COL6A5: variants seen among roughly 807,000 people sequenced by gnomAD.
The protein encoded by COL6A5 is collagen alpha-5(VI) chain.
Under a neutral mutation model 65.6 loss-of-function variants are expected in COL6A5, and 48 were observed. The observed-to-expected ratio is 0.73, with a 90% CI of 0.58 to 0.93. COL6A5 has a LOEUF of 0.93. Among genes scored for constraint, COL6A5 ranks in the 40% least tolerant of loss-of-function variants. COL6A5 has a pLI of 0.00. For synonymous variants in COL6A5, 291 were observed against 322.8 expected (o/e 0.90, Z 1.05); for missense variants, 914 against 928.3 (o/e 0.98, Z 0.20).
chr3:130,478,494 AG>A (rs1191128600), intron 7 of COL6A5, among the ~76,000 whole-genome samples: 1 of 152,092 alleles, frequency 6.6e-6, no homozygotes, highest in Non-Finnish European at 1.5e-5. Flanking sequence ...TTCAAAAGCT[AG>A]TCTTAAAAGG....
intron 7 of COL6A5, among the ~76,000 whole-genome samples, chr3:130,472,258 G>C (rs1250923320): frequency 6.6e-6 from 1 of 152,062 alleles, no homozygotes; most frequent in Non-Finnish European, 1.5e-5. Flanking sequence ...AAGGGGAACT[G>C]TGCAAGGAGC....
chr3:130,443,782 T>A (rs1387570292), intron 4 of COL6A5, among the ~76,000 whole-genome samples: 2 of 152,298 alleles, frequency 1.3e-5, no homozygotes, highest in Middle Eastern at 3.4e-3. Flanking sequence ...GCCTTTAAAT[T>A]CATGGTTTCT....
chr3:130,375,133 T>C (rs1935717063), intron 2 of COL6A5, among the ~76,000 whole-genome samples: 1 of 152,118 alleles, frequency 6.6e-6, no homozygotes, highest in African/African-American at 2.4e-5. Flanking sequence ...TACCAGACTC[T>C]TCTTATCTGG....
At chr3:130,398,430 G>T (rs576618791) in intron 10 of COL6A5, among the ~76,000 whole-genome samples, 1 of 152,184 alleles carries the variant, frequency 6.6e-6, no homozygotes, top group East Asian at 1.9e-4. Context: ...GCGCCCAGCC[G>T]AGTTGAAAAT....
intron 1 of COL6A5, among the ~76,000 whole-genome samples, chr3:130,355,366 A>C (rs1055454078): frequency 6.6e-6 from 1 of 152,174 alleles, no homozygotes; most frequent in Non-Finnish European, 1.5e-5. Flanking sequence ...TTGCCCCTAT[A>C]AAACACAAAC....
chr3:130,471,559 A>G (rs1709952863), intron 7 of COL6A5, 123 bp from the exon 40 acceptor site: 3 of 893,958 alleles, frequency 3.4e-6, no homozygotes, highest in Non-Finnish European at 4.9e-6. Flanking sequence ...CATGGACTGA[A>G]CTTGGACTAT....
chr3:130,426,524 A>AGCTTG, upstream of COL6A5: 5 of 1,006,830 alleles, frequency 5.0e-6, no homozygotes, highest in Non-Finnish European at 7.7e-6. Context: ...CTCTGTAACA[A>AGCTTG]GCTTGTCTGG....
At chr3:130,363,101 T>C (rs1935200931) in intron 1 of COL6A5, among the ~76,000 whole-genome samples, 2 of 152,188 alleles carry the variant, frequency 1.3e-5, no homozygotes, top group South Asian at 4.1e-4. Flanking sequence ...CTTCTACTCT[T>C]TTCTGTTTTT....
exon 5 of COL6A5, chr3:130,385,043 C>T: frequency 6.4e-7 from 1 of 1,550,786 alleles, no homozygotes; most frequent in Non-Finnish European, 8.7e-7. Flanking sequence ...TAACATTAAG[C>T]AACTAACTGG....
chr3:130,345,802 TGCGGCGCGGACCAGGGCGTGCG>T (rs1934441794), exon 1 of COL6A5: 1 of 710 alleles, frequency 1.4e-3, no homozygotes, highest in African/African-American at 2.7e-3. Flanking sequence ...CCTGCAGCTG[TGCGGCGCGGACCAGGGCGTGCG>T]GCGCGGACCA....
intron 1 of COL6A5, among the ~76,000 whole-genome samples, chr3:130,372,276 A>C (rs371740627): frequency 6.6e-6 from 1 of 152,022 alleles, no homozygotes; most frequent in African/African-American, 2.4e-5. Context: ...AATGTTAAAC[A>C]TAGAGTTATG....
chr3:130,398,559 T>C (rs1268765182), intron 10 of COL6A5, among the ~76,000 whole-genome samples: 2 of 152,188 alleles, frequency 1.3e-5, no homozygotes, highest in South Asian at 2.1e-4. Context: ...CTAATCCCCG[T>C]TGACCAGCCC....
At chr3:130,465,134 C>T (rs1293333322) in intron 5 of COL6A5, among the ~76,000 whole-genome samples, 3 of 152,012 alleles carry the variant, frequency 2.0e-5, no homozygotes, top group Non-Finnish European at 2.9e-5. Context: ...AGCTTATAGC[C>T]TTGAGTGTTT....
intron 5 of COL6A5, among the ~76,000 whole-genome samples, chr3:130,459,017 T>C (rs1709641120): frequency 1.3e-5 from 2 of 152,146 alleles, no homozygotes; most frequent in South Asian, 2.1e-4. Context: ...AGATGTTTTC[T>C]TGTGAAATGT....
intron 4 of COL6A5, 139 bp downstream of exon 4, chr3:130,380,189 T>C: frequency 1.5e-6 from 1 of 658,870 alleles, no homozygotes; most frequent in Non-Finnish European, 2.4e-6. Context: ...TGGATTTTGG[T>C]GATGCCCATA....
At chr3:130,403,568 G>C (rs768410649) in intron 12 of COL6A5, 41 bp from the exon 13 acceptor site, 98 of 1,507,396 alleles carry the variant, frequency 6.5e-5, no homozygotes, top group African/African-American at 4.0e-4. Flanking sequence ...ACTTTATTGG[G>C]GGGGGGTGAC....
At chr3:130,471,560 C>T (rs1332894992) in intron 7 of COL6A5, 122 bp from the exon 40 acceptor site, 8 of 898,430 alleles carry the variant, frequency 8.9e-6, no homozygotes, top group South Asian at 1.9e-5. Flanking sequence ...ATGGACTGAA[C>T]TTGGACTATT....
At chr3:130,384,049 A>G (rs1187673481) in intron 4 of COL6A5, among the ~76,000 whole-genome samples, 1 of 152,108 alleles carries the variant, frequency 6.6e-6, no homozygotes, top group Non-Finnish European at 1.5e-5. Context: ...AGACAATGAC[A>G]GGTGTGCTTT....
At chr3:130,397,361 C>T (rs1195167300) in intron 8 of COL6A5, among the ~76,000 whole-genome samples, 1 of 151,386 alleles carries the variant, frequency 6.6e-6, no homozygotes, top group Non-Finnish European at 1.5e-5. Context: ...ATGTTGGTAT[C>T]ACATATATAT....
Sources: gnomAD v4.1 joint callset for allele counts (sites outside exome capture counted in the v4.1 genomes callset) on GRCh38, gnomAD v4.1.1 for gene constraint, MANE v1.5 for transcripts, NCBI Gene and HGNC (gene_info 2026-07-23, HGNC 2026-07-21) for gene names.